EYS: variants seen among roughly 807,000 people sequenced by gnomAD.
EYS encodes EGF-like photoreceptor maintenance factor.
EYS carries 250 observed loss-of-function variants against 282.1 expected under a neutral mutation model. The observed-to-expected ratio is 0.89, with a 90% CI of 0.80 to 0.98. The LOEUF (loss-of-function observed/expected upper bound fraction) is 0.98. EYS is among the 50% of genes least tolerant of loss of function. The pLI, the probability that EYS is intolerant of heterozygous loss-of-function variation, is 0.00. For missense variants in EYS, 4,016 were observed against 3,709.0 expected (o/e 1.08, Z -2.15); for synonymous variants, 1,355 against 1,282.9 (o/e 1.06, Z -1.20).
chr6:65,697,653 G>A (rs1769502078), intron 1 of EYS, among the ~76,000 whole-genome samples: 1 of 150,746 alleles, frequency 6.6e-6, no homozygotes, highest in South Asian at 2.1e-4. Flanking sequence ...CTTACCAAAC[G>A]ATTGGGTCCG....
intron 19 of EYS, among the ~76,000 whole-genome samples, chr6:64,882,082 G>A (rs370647185): frequency 1.3e-5 from 2 of 151,752 alleles, no homozygotes; most frequent in Admixed American, 1.3e-4. Flanking sequence ...AAATGAGGAT[G>A]AGACAGCTTG....
At chr6:65,310,565 C>A in intron 11 of EYS, among the ~76,000 whole-genome samples, 1 of 152,092 alleles carries the variant, frequency 6.6e-6, no homozygotes, top group East Asian at 1.9e-4. Flanking sequence ...TTCAGTATGC[C>A]CTTCAAGGCT....
chr6:64,874,886 A>C (rs977022370), intron 19 of EYS, among the ~76,000 whole-genome samples: 1 of 152,058 alleles, frequency 6.6e-6, no homozygotes, highest in Non-Finnish European at 1.5e-5. Context: ...AGATCCTCAA[A>C]GGGAGCAAAG....
intron 1 of EYS, among the ~76,000 whole-genome samples, chr6:65,682,072 C>T (rs972142259): frequency 2.6e-5 from 4 of 151,930 alleles, no homozygotes; most frequent in African/African-American, 9.7e-5. Flanking sequence ...GTGTTGAGTT[C>T]AATCTCTCCC....
At chr6:65,663,117 C>T (rs1385422310) in intron 1 of EYS, among the ~76,000 whole-genome samples, 4 of 152,156 alleles carry the variant, frequency 2.6e-5, no homozygotes, top group Non-Finnish European at 1.5e-5. Flanking sequence ...CGGGGGTAAT[C>T]ACAATGTTTC....
At chr6:64,965,072 C>CT (rs1770048572) in intron 14 of EYS, among the ~76,000 whole-genome samples, 2 of 151,976 alleles carry the variant, frequency 1.3e-5, no homozygotes, top group African/African-American at 4.8e-5. Flanking sequence ...AAACAATTTA[C>CT]CCTCATGCCC....
At chr6:65,570,945 T>C (rs576771614) in intron 2 of EYS, among the ~76,000 whole-genome samples, 2 of 152,140 alleles carry the variant, frequency 1.3e-5, no homozygotes, top group Non-Finnish European at 2.9e-5. Context: ...GGAGGCCATA[T>C]GTTTTAGAAA....
intron 8 of EYS, among the ~76,000 whole-genome samples, chr6:65,375,056 G>T (rs1461333275): frequency 6.6e-6 from 1 of 152,190 alleles, no homozygotes; most frequent in Non-Finnish European, 1.5e-5. Flanking sequence ...GCCTCCTCAA[G>T]TGGGTTCCCT....
intron 22 of EYS, among the ~76,000 whole-genome samples, chr6:64,810,862 C>T (rs930779369): frequency 1.3e-5 from 2 of 151,898 alleles, no homozygotes; most frequent in Admixed American, 6.6e-5. Flanking sequence ...CTATGATTGG[C>T]ATAAACTTTG....
At position 64,091,818 on chromosome 6, in the gene EYS, G is replaced by A. The variant is rs552761734; in HGVS notation, c.6425-9816C>T. Among the ~76,000 whole-genome samples the A allele has an allele frequency of 7.6e-4, 115 of 152,184 alleles. 1 individual carries two copies. Among genetic ancestry groups the A allele is most frequent in the African/African-American group, 2.7e-3 (112 of 41,518 alleles). ...CAAAACGTGCAGGTTTGTTACATATGTATACATGTGCCATGTTGGTGTGCT... is the reference window on the plus strand; with the variant it reads ...CAAAACGTGCAGGTTTGTTACATATATATACATGTGCCATGTTGGTGTGCT... On this transcript the variant is annotated intron_variant, in intron 31 of 42. Transcript: ENST00000503581.
At chr6:64,117,273 G>T (rs563068650) in intron 31 of EYS, among the ~76,000 whole-genome samples, 2 of 151,616 alleles carry the variant, frequency 1.3e-5, no homozygotes, top group Non-Finnish European at 2.9e-5. Flanking sequence ...ACAAATATGT[G>T]GCAGATCTAA....
At chr6:65,144,479 T>G (rs1024951417) in intron 12 of EYS, among the ~76,000 whole-genome samples, 1 of 152,054 alleles carries the variant, frequency 6.6e-6, no homozygotes, top group African/African-American at 2.4e-5. Context: ...GAAAACGAAT[T>G]TGGTTAAACC....
At chr6:65,613,134 T>C (rs1207772595) in intron 2 of EYS, among the ~76,000 whole-genome samples, 6 of 151,878 alleles carry the variant, frequency 4.0e-5, no homozygotes, top group Non-Finnish European at 5.9e-5. Context: ...CACGTCTGTC[T>C]TATAACTTTA....
intron 12 of EYS, among the ~76,000 whole-genome samples, chr6:65,213,431 T>C (rs1294141822): frequency 6.6e-6 from 1 of 152,214 alleles, no homozygotes; most frequent in South Asian, 2.1e-4. Context: ...TTTGAACAAA[T>C]GGAATGTTTG....
At chr6:63,878,814 A>T (rs1213388484) in intron 35 of EYS, among the ~76,000 whole-genome samples, 1 of 152,200 alleles carries the variant, frequency 6.6e-6, no homozygotes, top group East Asian at 1.9e-4. Flanking sequence ...CCATTTGCTA[A>T]GACCATTGGA....
At chr6:63,945,570 G>A (rs538157751) in intron 35 of EYS, among the ~76,000 whole-genome samples, 1 of 152,304 alleles carries the variant, frequency 6.6e-6, no homozygotes, top group East Asian at 1.9e-4. Context: ...CCACACATAT[G>A]CAAAAGTACA....
intron 26 of EYS, among the ~76,000 whole-genome samples, chr6:64,512,291 A>G (rs1777435187): frequency 6.6e-6 from 1 of 152,054 alleles, no homozygotes; most frequent in African/African-American, 2.4e-5. Context: ...ACTGCAAAGC[A>G]TCACCAACAA....
At chr6:64,981,998 C>T (rs1770685461) in intron 14 of EYS, among the ~76,000 whole-genome samples, 2 of 151,362 alleles carry the variant, frequency 1.3e-5, no homozygotes, top group South Asian at 2.1e-4. Context: ...CTCTAGATTT[C>T]AATAAGACCA....
chr6:65,486,727 A>T (rs148270301), intron 5 of EYS, among the ~76,000 whole-genome samples: 22 of 152,354 alleles, frequency 1.4e-4, no homozygotes, highest in African/African-American at 5.3e-4. Context: ...TGAGAGAGTC[A>T]ACAACTTTGC....
Sources: allele counts gnomAD v4.1 joint callset (sites outside exome capture counted in the v4.1 genomes callset), GRCh38; gene constraint gnomAD v4.1.1; transcripts MANE v1.5; gene names NCBI Gene and HGNC (gene_info 2026-07-23, HGNC 2026-07-21).